CCSER1: variants seen among roughly 807,000 people sequenced by gnomAD.
The protein encoded by CCSER1 is serine-rich coiled-coil domain-containing protein 1.
CCSER1 carries 41 observed loss-of-function variants against 82.0 expected under a neutral mutation model. The ratio of observed to expected loss-of-function variants is 0.50; its 90% CI spans 0.39 to 0.65. CCSER1 has a LOEUF of 0.65. Among genes scored for constraint, CCSER1 ranks in the 30% least tolerant of loss-of-function variants. The probability of loss-of-function intolerance (pLI) is 0.00; values close to 1 mark genes in which losing one functional copy is unlikely to be tolerated. For synonymous variants in CCSER1, 414 were observed against 383.9 expected (o/e 1.08, Z -0.92); for missense variants, 1,119 against 1,064.2 (o/e 1.05, Z -0.72).
chr4:90,814,832 T>A (rs1304777231), intron 7 of CCSER1, among the ~76,000 whole-genome samples: 1 of 152,298 alleles, frequency 6.6e-6, no homozygotes, highest in South Asian at 2.1e-4. Context: ...CATAACATTT[T>A]AATCAAAACC....
At chr4:90,505,153 C>T (rs913852581) in intron 5 of CCSER1, among the ~76,000 whole-genome samples, 8 of 152,136 alleles carry the variant, frequency 5.3e-5, no homozygotes, top group African/African-American at 1.7e-4. Flanking sequence ...CATTTTGGCA[C>T]TAAGAACAGA....
At chr4:91,043,867 C>T (rs899022479) in intron 9 of CCSER1, among the ~76,000 whole-genome samples, 4 of 152,118 alleles carry the variant, frequency 2.6e-5, no homozygotes, top group African/African-American at 7.2e-5. Flanking sequence ...GGATGACAGT[C>T]GTGAGCAACC....
intron 4 of CCSER1, among the ~76,000 whole-genome samples, chr4:90,439,315 C>T (rs936605917): frequency 1.3e-5 from 2 of 151,614 alleles, no homozygotes; most frequent in African/African-American, 4.8e-5. Flanking sequence ...AAAACAAAAA[C>T]AAACAAACAA....
intron 10 of CCSER1, among the ~76,000 whole-genome samples, chr4:91,502,522 C>T (rs528112360): frequency 9.2e-5 from 14 of 152,236 alleles, no homozygotes; most frequent in African/African-American, 3.4e-4. Context: ...CTCATTTAAT[C>T]ACACCACAAT....
chr4:90,357,512 C>A (rs1035849544), intron 3 of CCSER1, among the ~76,000 whole-genome samples: 5 of 151,854 alleles, frequency 3.3e-5, no homozygotes, highest in Non-Finnish European at 7.4e-5. Flanking sequence ...AATTGTTACA[C>A]GTCAGAGGAG....
At chr4:91,218,632 A>T (rs1737489772) in intron 10 of CCSER1, among the ~76,000 whole-genome samples, 1 of 152,206 alleles carries the variant, frequency 6.6e-6, no homozygotes, top group Non-Finnish European at 1.5e-5. Context: ...ATTTCATTGA[A>T]TTGTTGGGCA....
At chr4:90,261,050 TTTACC>T (rs1345448049) in intron 1 of CCSER1, among the ~76,000 whole-genome samples, 3 of 152,146 alleles carry the variant, frequency 2.0e-5, no homozygotes, top group Non-Finnish European at 4.4e-5. Flanking sequence ...TCGGCCATTC[TTTACC>T]TTTTAAGTGG....
chr4:90,804,454 C>T (rs1461701201), intron 7 of CCSER1, among the ~76,000 whole-genome samples: 2 of 152,088 alleles, frequency 1.3e-5, no homozygotes, highest in Non-Finnish European at 2.9e-5. Context: ...TTCCCAACAA[C>T]ATTTATTAAA....
At chr4:90,410,150 A>G (rs1754460488) in intron 4 of CCSER1, among the ~76,000 whole-genome samples, 1 of 152,214 alleles carries the variant, frequency 6.6e-6, no homozygotes, top group South Asian at 2.1e-4. Flanking sequence ...AGTGACCTAC[A>G]AAGAGACATA....
chr4:90,545,184 T>C (rs544489295), intron 5 of CCSER1, among the ~76,000 whole-genome samples: 29 of 152,254 alleles, frequency 1.9e-4, no homozygotes, highest in African/African-American at 7.0e-4. Flanking sequence ...CTACTTTTAG[T>C]AGCTTTTATG....
At chr4:90,657,010 T>A (rs1199069230) in intron 6 of CCSER1, among the ~76,000 whole-genome samples, 1 of 152,076 alleles carries the variant, frequency 6.6e-6, no homozygotes, top group Non-Finnish European at 1.5e-5. Flanking sequence ...TTATTAAGAT[T>A]TACCTAAATA....
intron 5 of CCSER1, among the ~76,000 whole-genome samples, chr4:90,564,466 C>T (rs1779142616): frequency 6.6e-6 from 1 of 152,144 alleles, no homozygotes; most frequent in Admixed American, 6.5e-5. Flanking sequence ...TTCTTCCATT[C>T]TGTATCCTGT....
intron 10 of CCSER1, among the ~76,000 whole-genome samples, chr4:91,374,586 A>T (rs1008758855): frequency 1.3e-5 from 2 of 152,212 alleles, no homozygotes; most frequent in African/African-American, 2.4e-5. Context: ...CTAGTCACCT[A>T]AGAGCTATGA....
intron 8 of CCSER1, among the ~76,000 whole-genome samples, chr4:90,870,490 C>T (rs1464578867): frequency 2.0e-5 from 3 of 151,422 alleles, no homozygotes; most frequent in Non-Finnish European, 3.0e-5. Flanking sequence ...TGATGTATCA[C>T]ATCGATTTGC....
chr4:90,570,779 G>A (rs1012987838), intron 5 of CCSER1, among the ~76,000 whole-genome samples: 1 of 152,060 alleles, frequency 6.6e-6, no homozygotes, highest in Non-Finnish European at 1.5e-5. Flanking sequence ...TATGAGCATG[G>A]CAGAGTAAGA....
intron 4 of CCSER1, among the ~76,000 whole-genome samples, chr4:90,449,169 G>A (rs1464086014): frequency 6.6e-6 from 1 of 152,166 alleles, no homozygotes; most frequent in Non-Finnish European, 1.5e-5. Flanking sequence ...CTCTCTGCAG[G>A]CAGGTCATCC....
At chr4:90,489,197 A>G (rs1282521552) in intron 5 of CCSER1, among the ~76,000 whole-genome samples, 1 of 152,172 alleles carries the variant, frequency 6.6e-6, no homozygotes, top group Non-Finnish European at 1.5e-5. Context: ...AGTATATCCT[A>G]CAGGGTCATT....
At chr4:90,207,393 C>T (rs531549548) in intron 1 of CCSER1, among the ~76,000 whole-genome samples, 1 of 152,314 alleles carries the variant, frequency 6.6e-6, no homozygotes, top group South Asian at 2.1e-4. Flanking sequence ...AGCAATTCCT[C>T]TAACCTTTTT....
intron 9 of CCSER1, among the ~76,000 whole-genome samples, chr4:91,030,729 G>C (rs1740904956): frequency 7.1e-6 from 1 of 141,058 alleles, no homozygotes; most frequent in South Asian, 2.3e-4. Flanking sequence ...TCAATTTCTA[G>C]TTTCTCTGAT....
Sources: allele counts gnomAD v4.1 joint callset (sites outside exome capture counted in the v4.1 genomes callset), GRCh38; gene constraint gnomAD v4.1.1; transcripts MANE v1.5; gene names NCBI Gene and HGNC (gene_info 2026-07-23, HGNC 2026-07-21).